The following PHACTR1 variants were observed in gnomAD, a reference collection of about 807,000 sequenced individuals.
The protein encoded by PHACTR1 is RPEL repeat containing 1.
Under a neutral mutation model 69.2 loss-of-function variants are expected in PHACTR1, and 16 were observed. That is an observed-to-expected ratio of 0.23 (90% CI 0.16 to 0.35). The LOEUF is 0.35. Ranked by LOEUF, PHACTR1 falls within the 10% of genes least tolerant of loss-of-function variation. PHACTR1 has a pLI of 1.00. For missense variants in PHACTR1, 510 were observed against 734.7 expected (o/e 0.69, Z 3.54); for synonymous variants, 312 against 284.5 (o/e 1.10, Z -0.97).
Position 12,718,803 on chromosome 6 carries a change from A to G in PHACTR1, c.59A>G (p.Asp20Gly). The G allele has an allele frequency of 3.2e-6, 5 of 1,573,912 alleles. No homozygotes were observed. Among genetic ancestry groups the G allele is most frequent in the Non-Finnish European group, 4.3e-6 (5 of 1,157,184 alleles). The part of the protein sequence containing the change: ...LDVESAHRLL[D>G]VESAQRFFYS... ...GTAGAGTCTGCTCACAGACTCTTGG[A>G]TGTTGAGTCAGCTCAAAGATTCTTC... Residue 20 changes from aspartate to glycine, a missense_variant, in exon 3 of 15, where the codon GAT (aspartate) becomes GGT (glycine). By Grantham distance (94) the Asp-to-Gly change is moderately conservative. Transcript: ENST00000332995.
At chr6:12,760,804 A>T (rs1300952929) in intron 4 of PHACTR1, among the ~76,000 whole-genome samples, 1 of 152,162 alleles carries the variant, frequency 6.6e-6, no homozygotes, top group Non-Finnish European at 1.5e-5. Flanking sequence ...GTGAGGGTGC[A>T]CACCTGTAAT....
intron 4 of PHACTR1, among the ~76,000 whole-genome samples, chr6:13,021,384 T>C (rs906355047): frequency 6.6e-6 from 1 of 152,264 alleles, no homozygotes; most frequent in Non-Finnish European, 1.5e-5. Flanking sequence ...GAGTAATATT[T>C]CATTGTATGG....
intron 4 of PHACTR1, among the ~76,000 whole-genome samples, chr6:13,039,148 G>T (rs1214844570): frequency 6.6e-6 from 1 of 152,158 alleles, no homozygotes; most frequent in Non-Finnish European, 1.5e-5. Flanking sequence ...CTCTGCCATT[G>T]TCAATTTGCT....
chr6:12,875,537 T>C (rs1782446395), intron 4 of PHACTR1, among the ~76,000 whole-genome samples: 2 of 152,204 alleles, frequency 1.3e-5, no homozygotes. Flanking sequence ...GCTGCCCCTG[T>C]AAGTAAAAAC....
At chr6:13,130,153 G>A (rs1211689092) in intron 5 of PHACTR1, among the ~76,000 whole-genome samples, 1 of 152,080 alleles carries the variant, frequency 6.6e-6, no homozygotes, top group Non-Finnish European at 1.5e-5. Context: ...TTCAGCAAAG[G>A]TGGTACAAAG....
At chr6:12,828,827 G>T (rs1777092228) in intron 4 of PHACTR1, among the ~76,000 whole-genome samples, 1 of 152,092 alleles carries the variant, frequency 6.6e-6, no homozygotes, top group South Asian at 2.1e-4. Context: ...AGTGGGGTGG[G>T]GTGGTTACGG....
chr6:12,983,563 G>T (rs953490094), intron 4 of PHACTR1, among the ~76,000 whole-genome samples: 2 of 151,940 alleles, frequency 1.3e-5, no homozygotes, highest in Non-Finnish European at 2.9e-5. Context: ...TTTTATTGTT[G>T]TACTTCAAGT....
At chr6:13,160,472 G>A (rs541208316) in intron 6 of PHACTR1, among the ~76,000 whole-genome samples, 188 bp downstream of exon 6, 1 of 152,302 alleles carries the variant, frequency 6.6e-6, no homozygotes, top group East Asian at 1.9e-4. Flanking sequence ...CATCATATGA[G>A]ACGAAGGAAA....
chr6:13,198,450 T>C (rs1236009562), intron 7 of PHACTR1, among the ~76,000 whole-genome samples: 1 of 152,076 alleles, frequency 6.6e-6, no homozygotes, highest in Non-Finnish European at 1.5e-5. Flanking sequence ...CTGTCTGGAG[T>C]GTCTGGAGTG....
intron 4 of PHACTR1, among the ~76,000 whole-genome samples, chr6:13,006,302 A>T (rs1327403444): frequency 1.3e-5 from 2 of 152,216 alleles, no homozygotes; most frequent in Non-Finnish European, 2.9e-5. Flanking sequence ...TTATGATGCC[A>T]TATGCTCTAT....
intron 4 of PHACTR1, among the ~76,000 whole-genome samples, chr6:12,842,241 T>A (rs1778770660): frequency 6.6e-6 from 1 of 152,354 alleles, no homozygotes; most frequent in Admixed American, 6.5e-5. Context: ...CAGATACAGT[T>A]AACTTGATTA....
intron 5 of PHACTR1, among the ~76,000 whole-genome samples, chr6:13,152,578 A>C (rs538134644): frequency 5.3e-5 from 8 of 152,232 alleles, no homozygotes; most frequent in Non-Finnish European, 1.0e-4. Context: ...TCATTTCTAA[A>C]GTACTGGCTC....
intron 4 of PHACTR1, among the ~76,000 whole-genome samples, chr6:12,780,444 G>A (rs537378771): frequency 6.6e-6 from 1 of 152,136 alleles, no homozygotes; most frequent in Non-Finnish European, 1.5e-5. Context: ...CCACTCTCCT[G>A]TAAACTTCAT....
chr6:13,233,220 C>T (rs1771500510), intron 10 of PHACTR1, among the ~76,000 whole-genome samples: 1 of 152,202 alleles, frequency 6.6e-6, no homozygotes, highest in African/African-American at 2.4e-5. Flanking sequence ...CTAGCAAAGG[C>T]AGTCACAAAA....
At chr6:13,107,601 C>T (rs767483406) in intron 5 of PHACTR1, among the ~76,000 whole-genome samples, 8 of 152,208 alleles carry the variant, frequency 5.3e-5, no homozygotes, top group East Asian at 3.9e-4. Context: ...TGATAATTTA[C>T]GTCTTTCAAA....
chr6:13,278,030 T>G (rs2119485), intron 11 of PHACTR1: 5 of 311,426 alleles, frequency 1.6e-5, no homozygotes, highest in African/African-American at 8.7e-5. Context: ...TGAAACCCCA[T>G]GTGATGTAAA....
At chr6:13,144,772 G>GAAAAAAA (rs11326657) in intron 5 of PHACTR1, among the ~76,000 whole-genome samples, 9 of 18,632 alleles carry the variant, frequency 4.8e-4, no homozygotes, top group African/African-American at 8.5e-4. Flanking sequence ...CCCTGTCTCA[G>GAAAAAAA]AAAAAAAAAA....
At chr6:13,241,332 A>G (rs779286481) in intron 10 of PHACTR1, among the ~76,000 whole-genome samples, 2 of 152,182 alleles carry the variant, frequency 1.3e-5, no homozygotes, top group Non-Finnish European at 2.9e-5. Context: ...CCTTGGGCTA[A>G]TGGCATCAGC....
intron 4 of PHACTR1, among the ~76,000 whole-genome samples, chr6:13,000,178 C>A (rs2127621279): frequency 6.6e-6 from 1 of 152,250 alleles, no homozygotes; most frequent in South Asian, 2.1e-4. Context: ...ATGTGGGAAT[C>A]CACGACAAGG....
Sources: gnomAD v4.1 joint callset for allele counts (sites outside exome capture counted in the v4.1 genomes callset) on GRCh38, gnomAD v4.1.1 for gene constraint, MANE v1.5 for transcripts, NCBI Gene and HGNC (gene_info 2026-07-23, HGNC 2026-07-21) for gene names.